NEK7: variants seen among roughly 807,000 people sequenced by gnomAD.
The protein encoded by NEK7 is serine/threonine-protein kinase Nek7.
NEK7 carries 18 observed loss-of-function variants against 44.6 expected under a neutral mutation model. That is an observed-to-expected ratio of 0.40 (90% CI 0.28 to 0.60). The LOEUF (loss-of-function observed/expected upper bound fraction) is 0.60, where lower values mean the gene tolerates loss of function less well. Ranked by LOEUF, NEK7 falls within the 20% of genes least tolerant of loss-of-function variation. The probability of loss-of-function intolerance (pLI) is 0.38; values close to 1 mark genes in which losing one functional copy is unlikely to be tolerated. For synonymous variants in NEK7, 130 were observed against 121.1 expected (o/e 1.07, Z -0.48); for missense variants, 256 against 366.5 (o/e 0.70, Z 2.46).
Position 198,159,279 on chromosome 1 carries a change from A to AG in NEK7, c.-29+2006dup, listed in dbSNP as rs751398201. Among the ~76,000 whole-genome samples, 51 of 152,094 alleles carry AG rather than the reference A, an allele frequency of 3.4e-4. 1 individual carries two copies. The highest frequency in any genetic ancestry group is 6.8e-3 in the Middle Eastern group (2 of 294). On this transcript the variant is annotated intron_variant, in intron 1 of 9. Transcript: ENST00000367385. Reference sequence around the variant, plus strand: ...TGTCTGCGGAAGGGGCGCCAGGCTGAGGGCCAGCCTGGAGAAAGAAAGAAA... The same window carrying AG: ...TGTCTGCGGAAGGGGCGCCAGGCTGAGGGGCCAGCCTGGAGAAAGAAAGAAA...
intron 2 of NEK7, among the ~76,000 whole-genome samples, chr1:198,243,167 C>T (rs73080722): frequency 0.026 from 3,976 of 152,226 alleles, 172 homozygotes; most frequent in African/African-American, 0.09. Context: ...AATGTTACAT[C>T]CTCAGCAAGA....
chr1:198,188,333 A>C (rs532024656), intron 1 of NEK7, among the ~76,000 whole-genome samples: 12 of 152,344 alleles, frequency 7.9e-5, no homozygotes, highest in African/African-American at 2.9e-4. Flanking sequence ...AAAGCAAGGC[A>C]GTTTTTTAAA....
chr1:198,162,955 T>C (rs1049325846), intron 1 of NEK7, among the ~76,000 whole-genome samples: 19 of 152,136 alleles, frequency 1.2e-4, no homozygotes, highest in Non-Finnish European at 2.4e-4. Flanking sequence ...AAATTAAAAA[T>C]GTTCTTCCTA....
intron 1 of NEK7, among the ~76,000 whole-genome samples, chr1:198,177,916 G>A (rs551261555): frequency 7.2e-5 from 11 of 151,972 alleles, no homozygotes; most frequent in African/African-American, 1.9e-4. Context: ...AGCAAACATC[G>A]TCCATGTGGC....
At chr1:198,234,670 T>C (rs1666496007) in intron 2 of NEK7, among the ~76,000 whole-genome samples, 1 of 152,218 alleles carries the variant, frequency 6.6e-6, no homozygotes, top group Non-Finnish European at 1.5e-5. Flanking sequence ...CCCCACAGTA[T>C]AAATTTCAAA....
chr1:198,182,619 C>CT (rs1340391610), intron 1 of NEK7, among the ~76,000 whole-genome samples: 1 of 152,136 alleles, frequency 6.6e-6, no homozygotes, highest in East Asian at 1.9e-4. Context: ...TTTTTGGAAA[C>CT]ATTACTTATG....
At chr1:198,240,269 G>C (rs1461425274) in intron 2 of NEK7, among the ~76,000 whole-genome samples, 2 of 152,110 alleles carry the variant, frequency 1.3e-5, no homozygotes, top group Non-Finnish European at 2.9e-5. Flanking sequence ...ACATACTTAC[G>C]AGTGAGAGTA....
chr1:198,289,131 TTGTGTG>T (rs71133921), intron 7 of NEK7, among the ~76,000 whole-genome samples: 20,428 of 148,704 alleles, frequency 0.14, 1,750 homozygotes, highest in East Asian at 0.4. Flanking sequence ...TTCCCTGAAG[TTGTGTG>T]TGTGTGTGTG....
intron 3 of NEK7, among the ~76,000 whole-genome samples, 161 bp downstream of exon 3, chr1:198,253,341 G>A (rs888037714): frequency 6.6e-6 from 1 of 152,084 alleles, no homozygotes; most frequent in African/African-American, 2.4e-5. Context: ...GTGTAGTATG[G>A]AGTGGAAATA....
At chr1:198,269,559 T>C (rs1296893469) in intron 5 of NEK7, among the ~76,000 whole-genome samples, 1 of 152,110 alleles carries the variant, frequency 6.6e-6, no homozygotes, top group African/African-American at 2.4e-5. Context: ...ATGAACATGA[T>C]TCATTTCTTT....
chr1:198,292,833 A>G lies in NEK7; in HGVS notation c.590-112A>G, dbSNP rs1016691748. The G allele has an allele frequency of 6.9e-6, 5 of 726,722 alleles. No homozygotes were observed. The African/African-American group carries it at 8.9e-5, about 13-fold the overall frequency. The allele number at this position is 726,722 out of a possible 1,614,324, so 45.0% of individuals were successfully genotyped here. Reference sequence around the variant, plus strand: ...TTCTCAAAAACAGCTTTCGATCCTAATGAATTATTTTGGTGATGTTTTTAA... The same window carrying G: ...TTCTCAAAAACAGCTTTCGATCCTAGTGAATTATTTTGGTGATGTTTTTAA... On this transcript the variant is annotated intron_variant, in intron 7 of 9. Transcript: ENST00000367385.
At chr1:198,310,610 G>A (rs376910151) in intron 9 of NEK7, among the ~76,000 whole-genome samples, 1 of 151,296 alleles carries the variant, frequency 6.6e-6, no homozygotes, top group Admixed American at 6.6e-5. Context: ...ATCTTGAATT[G>A]ATTTTTGTAT....
intron 7 of NEK7, among the ~76,000 whole-genome samples, chr1:198,279,298 A>G (rs1004632722): frequency 1.3e-5 from 2 of 151,946 alleles, no homozygotes; most frequent in Admixed American, 1.3e-4. Flanking sequence ...AAAAATGCTG[A>G]TAAGTCTGGT....
At chr1:198,225,350 C>A (rs1032917162) in intron 1 of NEK7, among the ~76,000 whole-genome samples, 1 of 150,950 alleles carries the variant, frequency 6.6e-6, no homozygotes, top group Admixed American at 6.6e-5. Flanking sequence ...GGAACCAGGA[C>A]AATGGAACAC....
At chr1:198,209,060 C>T (rs934592175) in intron 1 of NEK7, among the ~76,000 whole-genome samples, 29 of 107,156 alleles carry the variant, frequency 2.7e-4, no homozygotes, top group Non-Finnish European at 1.5e-4. Context: ...TATATATATA[C>T]ACACACACAT....
intron 2 of NEK7, among the ~76,000 whole-genome samples, chr1:198,244,197 A>C (rs888914785): frequency 6.6e-6 from 1 of 152,126 alleles, no homozygotes; most frequent in Non-Finnish European, 1.5e-5. Context: ...ATAACAATGA[A>C]AACCTTATTA....
chr1:198,222,532 C>T (rs566790766), intron 1 of NEK7, among the ~76,000 whole-genome samples: 2 of 152,234 alleles, frequency 1.3e-5, no homozygotes, highest in South Asian at 2.1e-4. Flanking sequence ...GGTACCACCA[C>T]GTGCTGTTTC....
intron 7 of NEK7, 106 bp from the exon 8 acceptor site, chr1:198,292,839 T>A: frequency 1.4e-6 from 1 of 731,808 alleles, no homozygotes; most frequent in Non-Finnish European, 2.4e-6. Context: ...CCTAATGAAT[T>A]ATTTTGGTGA....
chr1:198,202,183 C>T (rs1041150748), intron 1 of NEK7, among the ~76,000 whole-genome samples: 1 of 151,914 alleles, frequency 6.6e-6, no homozygotes, highest in Non-Finnish European at 1.5e-5. Context: ...GTTACACTGG[C>T]TTAGGATTTA....
Sources: gnomAD v4.1 joint callset for allele counts (sites outside exome capture counted in the v4.1 genomes callset) on GRCh38, gnomAD v4.1.1 for gene constraint, MANE v1.5 for transcripts, NCBI Gene and HGNC (gene_info 2026-07-23, HGNC 2026-07-21) for gene names.